Variants in ALAS2 observed in about 807,000 individuals in gnomAD.
ALAS2 encodes the protein 5'-aminolevulinate synthase 2.
A neutral mutation model predicts 33.7 loss-of-function variants in ALAS2; 3 were observed. The ratio of observed to expected loss-of-function variants is 0.09; its 90% CI spans 0.04 to 0.23. ALAS2 has a LOEUF of 0.23. Among genes scored for constraint, ALAS2 ranks in the 10% least tolerant of loss-of-function variants. The pLI is 1.00. For synonymous variants in ALAS2, 191 were observed against 177.3 expected (o/e 1.08, Z -0.61); for missense variants, 304 against 475.1 (o/e 0.64, Z 3.35).
chrX:55,026,319 A>C (rs1935892535), intron 1 of ALAS2, among the ~76,000 whole-genome samples: 1 of 112,159 alleles, frequency 8.9e-6, no homozygotes, highest in Non-Finnish European at 1.9e-5. Context: ...GGATCACTGA[A>C]ATGTGTTTTT....
intron 1 of ALAS2, among the ~76,000 whole-genome samples, chrX:55,029,899 A>T (rs1335025783): frequency 9.1e-6 from 1 of 110,346 alleles, no homozygotes; most frequent in Non-Finnish European, 1.9e-5. Context: ...GCCAACTGCA[A>T]CTCTACCCCA....
At chrX:55,009,967 C>T (rs1387510715) in intron 10 of ALAS2, among the ~76,000 whole-genome samples, 1 of 111,648 alleles carries the variant, frequency 9.0e-6, no homozygotes, top group Non-Finnish European at 1.9e-5. Context: ...TTTTCTCCAT[C>T]TCCACCTAGA....
chrX:55,010,319 A>G (rs1171353968), intron 10 of ALAS2, among the ~76,000 whole-genome samples: 1 of 111,538 alleles, frequency 9.0e-6, no homozygotes, highest in Non-Finnish European at 1.9e-5. Context: ...TATTCTCTAC[A>G]TAGAAGTTGG....
chrX:55,022,778 C>T (rs1185136102), intron 4 of ALAS2, among the ~76,000 whole-genome samples: 2 of 110,907 alleles, frequency 1.8e-5, no homozygotes, highest in African/African-American at 3.3e-5. Flanking sequence ...AGAGGAGTAG[C>T]CAAATAATCT....
intron 6 of ALAS2, 134 bp downstream of exon 6, chrX:55,020,186 T>C (rs1935776644): frequency 1.6e-6 from 1 of 636,294 alleles, no homozygotes; most frequent in African/African-American, 2.2e-5. Flanking sequence ...GTTGAGGATA[T>C]GCAAGGTGGA....
chrX:55,026,036 A>G (rs781239172), intron 1 of ALAS2, 21 bp from the exon 2 acceptor site: 11 of 1,188,163 alleles, frequency 9.3e-6, no homozygotes, highest in African/African-American at 8.8e-5. Flanking sequence ...CATGGAAGAG[A>G]TGAGGTTCCA....
chrX:55,022,223 T>C (rs768113164), intron 4 of ALAS2, among the ~76,000 whole-genome samples: 2 of 112,359 alleles, frequency 1.8e-5, no homozygotes, highest in Non-Finnish European at 3.8e-5. Context: ...CTGCTGGAGG[T>C]GCAAACTGGT....
Position 55,021,070 on chromosome X carries a change from T to C in ALAS2, c.620A>G (p.Gln207Arg). Reference sequence around the variant, plus strand: ...TACTCACTGTGTGGCTTGCAAGACCTGAGGGTGTCGGCTCATGCCCAGGTA... The same window carrying C: ...TACTCACTGTGTGGCTTGCAAGACCCGAGGGTGTCGGCTCATGCCCAGGTA... ...NDYLGMSRHP[Q>R]VLQATQETLQ... Residue 207 changes from glutamine to arginine, a missense_variant, in exon 5 of 11, where the codon CAG becomes CGG. By Grantham distance (43) the Gln-to-Arg change is conservative. Transcript: ENST00000650242. 8.3e-7 allele frequency: 1 copy of C among 1,210,906 alleles called. No individual in the cohort carries two copies. The highest frequency in any genetic ancestry group is 1.1e-6 in the Non-Finnish European group (1 of 895,167).
rs766649556 is a variant in ALAS2 at position 55,017,253 on chromosome X, C to A, written c.1003+233G>T. 2.5e-3 allele frequency among the ~76,000 whole-genome samples: 275 copies of A among 112,056 alleles called. 1 individual carries two copies. The highest frequency in any genetic ancestry group is 8.3e-3 in the African/African-American group (255 of 30,848). On this transcript the variant is annotated intron_variant, in intron 7 of 10. Transcript: ENST00000650242. ...GCTGTGTGACCTTGGACAAATTACT[C>A]TTATGTCTCAGTTTCCTCATGTAAA...
intron 10 of ALAS2, among the ~76,000 whole-genome samples, chrX:55,011,507 GTCA>G (rs1240506325): frequency 9.0e-5 from 10 of 111,461 alleles, no homozygotes; most frequent in Admixed American, 3.8e-4. Flanking sequence ...CCCTCTAGTG[GTCA>G]TCATCGAGAA....
At chrX:55,029,849 T>C (rs1421288537) in intron 1 of ALAS2, among the ~76,000 whole-genome samples, 1 of 111,527 alleles carries the variant, frequency 9.0e-6, no homozygotes. Context: ...AAATCCTCTC[T>C]TGTGTCAGCA....
chrX:55,011,292 C>T (rs1347111037), intron 10 of ALAS2, among the ~76,000 whole-genome samples: 1 of 111,906 alleles, frequency 8.9e-6, no homozygotes, highest in African/African-American at 3.3e-5. Context: ...ACATGTATAA[C>T]TGTCAGTCTG....
intron 1 of ALAS2, 147 bp from the exon 2 acceptor site, chrX:55,026,162 A>G (rs1305750349): frequency 2.0e-6 from 1 of 506,119 alleles, no homozygotes; most frequent in Admixed American, 3.2e-5. Context: ...TTCTTTCCCA[A>G]TGTTAACATG....
At chrX:55,028,698 C>T (rs928513768) in intron 1 of ALAS2, among the ~76,000 whole-genome samples, 3 of 111,610 alleles carry the variant, frequency 2.7e-5, no homozygotes, top group African/African-American at 9.8e-5. Context: ...CTGAAATTTG[C>T]TCTGCCTCAC....
Position 55,020,154 on chromosome X carries a change from C to T in ALAS2, c.823+166G>A, listed in dbSNP as rs147929459. The stretch of plus-strand genomic sequence containing the variant: ...TCTCTACGTGCAGAAGGAGAGAAAG[C>T]AGAGGGATATAATTATCCAGTGTTG... On this transcript the variant is annotated intron_variant, in intron 6 of 10. Transcript: ENST00000650242. Among the ~76,000 whole-genome samples the T allele has an allele frequency of 9.7e-3, 1,085 of 111,529 alleles. 22 individuals carry two copies. Among genetic ancestry groups the T allele is most frequent in the East Asian group, 0.083 (292 of 3,535 alleles).
chrX:55,018,990 G>T (rs1462920475), intron 6 of ALAS2, among the ~76,000 whole-genome samples: 1 of 110,913 alleles, frequency 9.0e-6, no homozygotes, highest in Non-Finnish European at 1.9e-5. Context: ...CTTATGGGTG[G>T]ACTCAAAAAA....
chrX:55,023,590 C>T (rs1272069697), intron 4 of ALAS2, among the ~76,000 whole-genome samples, 167 bp downstream of exon 4: 2 of 111,483 alleles, frequency 1.8e-5, no homozygotes, highest in African/African-American at 6.5e-5. Context: ...AGGAAAGTGT[C>T]TTACTTGCCA....
intron 8 of ALAS2, 47 bp downstream of exon 8, chrX:55,015,531 G>T (rs1305723412): frequency 8.4e-7 from 1 of 1,194,762 alleles, no homozygotes; most frequent in Non-Finnish European, 1.1e-6. Flanking sequence ...TTTTGTAAGG[G>T]CCTCCTCTCT....
At chrX:55,027,640 C>A in intron 1 of ALAS2, 1 of 742,845 alleles carries the variant, frequency 1.3e-6, no homozygotes, top group South Asian at 2.1e-5. Context: ...CTACTAGCAC[C>A]CTCAGCCTTA....
Sources: gnomAD v4.1 joint callset for allele counts (sites outside exome capture counted in the v4.1 genomes callset) on GRCh38, gnomAD v4.1.1 for gene constraint, MANE v1.5 for transcripts, NCBI Gene and HGNC (gene_info 2026-07-23, HGNC 2026-07-21) for gene names.